Variants in VPS13C observed in about 807,000 individuals in gnomAD.
VPS13C encodes intermembrane lipid transfer protein VPS13C.
In VPS13C, 358 loss-of-function variants were observed where a neutral mutation model predicts 456.8. The ratio of observed to expected loss-of-function variants is 0.78; its 90% CI spans 0.72 to 0.86. The LOEUF is 0.86. Ranked by LOEUF, VPS13C falls within the 40% of genes least tolerant of loss-of-function variation. The pLI is 0.00. For missense variants in VPS13C, 4,818 were observed against 4,385.4 expected (o/e 1.10, Z -2.79); for synonymous variants, 1,578 against 1,486.7 (o/e 1.06, Z -1.41).
Position 61,980,183 on chromosome 15 carries a change from C to CAAAA in VPS13C, c.2166+1155_2166+1158dup, listed in dbSNP as rs71125960. 1.3e-3 allele frequency among the ~76,000 whole-genome samples: 60 copies of CAAAA among 45,242 alleles called. 1 individual carries two copies. Among genetic ancestry groups the CAAAA allele is most frequent in the East Asian group, 3.1e-3 (4 of 1,278 alleles). 29.7% of individuals were successfully genotyped at this position (45,242 alleles called of 152,430 possible). On this transcript the variant is annotated intron_variant, in intron 22 of 84. Coordinates refer to ENST00000644861, the MANE Select transcript of VPS13C (RefSeq NM_020821.3). ...TGGGTGACAGAGCAAGACCCCATCT[C>CAAAA]AAAAAAAAAAAAAAAAAAAAAAAAA...
At chr15:61,950,740 T>C (rs967639554) in intron 40 of VPS13C, among the ~76,000 whole-genome samples, 6 of 152,060 alleles carry the variant, frequency 3.9e-5, no homozygotes, top group African/African-American at 1.4e-4. Context: ...AATGGAACTT[T>C]AGGTTATTAC....
intron 15 of VPS13C, among the ~76,000 whole-genome samples, chr15:62,003,131 T>C (rs2046695749): frequency 2.0e-5 from 3 of 152,302 alleles, no homozygotes; most frequent in East Asian, 1.9e-4. Context: ...TTTCATGATA[T>C]TGATTCTTCC....
At chr15:61,889,522 C>CTTT (rs1896519589) in intron 67 of VPS13C, among the ~76,000 whole-genome samples, 1 of 152,022 alleles carries the variant, frequency 6.6e-6, no homozygotes, top group Non-Finnish European at 1.5e-5. Flanking sequence ...CCATCAGCCT[C>CTTT]TAAAAAAGAA....
chr15:61,882,690 C>A lies in VPS13C; in HGVS notation c.9530G>T (p.Ser3177Ile). The A allele has an allele frequency of 6.3e-7, 1 of 1,596,914 alleles. No homozygotes were observed. The highest frequency in any genetic ancestry group is 8.5e-7 in the Non-Finnish European group (1 of 1,172,168). Reference sequence around the variant, plus strand: ...TGATAAAAAGTCTCGTTTAATAGGGCTACGAATAGGGAGGCGCATTTCCAT... The same window carrying A: ...TGATAAAAAGTCTCGTTTAATAGGGATACGAATAGGGAGGCGCATTTCCAT... ...DPMEMRLPIR[S>I]PIKRDFLSGI... Residue 3177 changes from serine (S) to isoleucine (I), a missense_variant, in exon 69 of 85, where the codon AGC (serine) becomes ATC (isoleucine). Coordinates refer to ENST00000644861, the MANE Select transcript of VPS13C (RefSeq NM_020821.3).
chr15:61,973,458 T>G lies in VPS13C; in HGVS notation c.2613A>C (p.Glu871Asp). The change falls in exon 26 of 85, where the codon GAA becomes GAC. Residue 871 changes from glutamate (E) to aspartate (D), a missense_variant. Coordinates refer to ENST00000644861, the MANE Select transcript of VPS13C (RefSeq NM_020821.3). ...LGTSLLLDTV[E>D]SESDDEYFDA... ...AGAGTATTTTACTTTCCTTACCTGA[T>G]TCCACAGTGTCTAGCAATAGTGAAG... is the stretch of plus-strand genomic sequence containing the variant. 6.2e-7 allele frequency: 1 copy of G among 1,609,942 alleles called. No individual in the cohort carries two copies. Among genetic ancestry groups the G allele is most frequent in the East Asian group, 2.2e-5 (1 of 44,752 alleles).
At chr15:61,859,603 A>C (rs973030984) in intron 82 of VPS13C, among the ~76,000 whole-genome samples, 6 of 152,124 alleles carry the variant, frequency 3.9e-5, no homozygotes, top group Non-Finnish European at 1.5e-5. Flanking sequence ...GACTCAGCTC[A>C]AGCACTCCCT....
chr15:61,884,000 T>A lies in VPS13C; in HGVS notation c.9483+128A>T, dbSNP rs1057503264. On this transcript the variant is annotated intron_variant, in intron 68 of 84. Coordinates refer to ENST00000644861, the MANE Select transcript of VPS13C (RefSeq NM_020821.3). ...TAGACACGCCAATCCTATTAAGAAATAAAAGTTTATCTACCAATAAATAAG... is the reference window on the plus strand; with the variant it reads ...TAGACACGCCAATCCTATTAAGAAAAAAAAGTTTATCTACCAATAAATAAG... 6 of 756,710 alleles carry A rather than the reference T, an allele frequency of 7.9e-6. No individual in the cohort carries two copies. The African/African-American group carries it at 9.1e-5, about 11-fold the overall frequency. The allele number at this position is 756,710 out of a possible 1,614,324, so 46.9% of individuals were successfully genotyped here. A position where few individuals can be genotyped will look rare whatever the true frequency, so the allele number is the denominator to read the frequency against.
At chr15:61,878,125 G>A (rs900827447) in intron 74 of VPS13C, among the ~76,000 whole-genome samples, 4 of 151,616 alleles carry the variant, frequency 2.6e-5, no homozygotes, top group African/African-American at 9.7e-5. Context: ...TTCAGTTTAG[G>A]TTTTATATTT....
At chr15:62,022,490 C>G (rs558897979) in intron 8 of VPS13C, among the ~76,000 whole-genome samples, 11 of 151,782 alleles carry the variant, frequency 7.2e-5, no homozygotes, top group Admixed American at 2.6e-4. Flanking sequence ...TTGTTATTAA[C>G]AAAGGCATTT....
chr15:61,958,544 T>A, intron 37 of VPS13C, 64 bp downstream of exon 37: 1 of 895,448 alleles, frequency 1.1e-6, no homozygotes, highest in South Asian at 1.7e-5. Context: ...TATTTGCTGA[T>A]TCCCTACTAA....
intron 66 of VPS13C, among the ~76,000 whole-genome samples, chr15:61,904,936 G>A (rs1216492745): frequency 6.6e-6 from 1 of 151,830 alleles, no homozygotes; most frequent in Admixed American, 6.6e-5. Flanking sequence ...AAAAAAAAGT[G>A]TATTTTACTT....
intron 30 of VPS13C, among the ~76,000 whole-genome samples, chr15:61,965,201 T>A (rs1321434372): frequency 6.6e-6 from 1 of 151,906 alleles, no homozygotes; most frequent in Non-Finnish European, 1.5e-5. Context: ...TATGATTATA[T>A]AAAATTATAA....
chr15:61,927,112 C>G lies in VPS13C; in HGVS notation c.6495G>C (p.Lys2165Asn). The change falls in exon 52 of 85, where the codon AAG (lysine) becomes AAC (asparagine). Residue 2165 changes from lysine (K) to asparagine (N), a missense_variant. Lys to Asn is a moderately conservative substitution (Grantham distance 94, BLOSUM62 0). Transcript: ENST00000644861. Reference protein sequence around the residue: ...KVLACPFLREKRGKNITTVLQ... With the variant: ...KVLACPFLRENRGKNITTVLQ... ...TTACTGTGGTAATGTTTTTCCCTCT[C>G]TTTTCTCTGAGAAAAGGGCAAGCGA... 6.2e-7 allele frequency: 1 copy of G among 1,614,154 alleles called. No individual in the cohort carries two copies. Among genetic ancestry groups the G allele is most frequent in the Non-Finnish European group, 8.5e-7 (1 of 1,180,006 alleles).
chr15:61,882,885 C>A (rs1361269097), intron 68 of VPS13C, 149 bp from the exon 69 acceptor site: 2 of 755,324 alleles, frequency 2.6e-6, no homozygotes, highest in Non-Finnish European at 3.7e-6. Flanking sequence ...CAGTTGAGAT[C>A]TCTGAAGCAA....
chr15:61,999,637 T>C (rs1003741130), intron 16 of VPS13C, among the ~76,000 whole-genome samples: 1 of 152,100 alleles, frequency 6.6e-6, no homozygotes, highest in Admixed American at 6.6e-5. Context: ...ATTTTCTAAT[T>C]TTTCTACAAT....
At chr15:62,000,780 A>T (rs914501703) in intron 15 of VPS13C, among the ~76,000 whole-genome samples, 154 bp from the exon 16 acceptor site, 1 of 152,140 alleles carries the variant, frequency 6.6e-6, no homozygotes, top group Admixed American at 6.5e-5. Context: ...AGACTTTTAA[A>T]TTTTTTAATT....
intron 49 of VPS13C, 141 bp from the exon 50 acceptor site, chr15:61,931,400 G>C: frequency 1.3e-6 from 1 of 790,042 alleles, no homozygotes; most frequent in Non-Finnish European, 1.9e-6. Context: ...CATCTGAATG[G>C]AACAGAGAAT....
chr15:61,862,825 A>T (rs993744153), intron 82 of VPS13C, among the ~76,000 whole-genome samples: 3 of 152,162 alleles, frequency 2.0e-5, no homozygotes, highest in African/African-American at 7.2e-5. Flanking sequence ...AGATTTTGCC[A>T]CTGTAAGAAC....
At chr15:61,917,914 TAATAAA>T (rs1219439193) in intron 59 of VPS13C, among the ~76,000 whole-genome samples, 7 of 152,204 alleles carry the variant, frequency 4.6e-5, no homozygotes, top group African/African-American at 7.2e-5. Context: ...AAAGGCAATC[TAATAAA>T]AATAGTCAGA....
Sources: allele counts gnomAD v4.1 joint callset (sites outside exome capture counted in the v4.1 genomes callset), GRCh38; gene constraint gnomAD v4.1.1; transcripts MANE v1.5; gene names NCBI Gene and HGNC (gene_info 2026-07-23, HGNC 2026-07-21).